Variants in MYO1B observed in about 807,000 individuals in gnomAD.
MYO1B encodes the protein unconventional myosin-Ib.
A neutral mutation model predicts 159.7 loss-of-function variants in MYO1B; 72 were observed. The ratio of observed to expected loss-of-function variants is 0.45; its 90% CI spans 0.37 to 0.55. The LOEUF (loss-of-function observed/expected upper bound fraction) is 0.55, where lower values mean the gene tolerates loss of function less well. MYO1B is among the 20% of genes least tolerant of loss of function. MYO1B has a pLI of 0.00. For missense variants in MYO1B, 1,062 were observed against 1,364.8 expected (o/e 0.78, Z 3.50); for synonymous variants, 468 against 473.8 (o/e 0.99, Z 0.16).
intron 3 of MYO1B, among the ~76,000 whole-genome samples, chr2:191,297,920 A>T (rs968212077): frequency 6.6e-6 from 1 of 152,192 alleles, no homozygotes; most frequent in African/African-American, 2.4e-5. Flanking sequence ...TTCACAGTAA[A>T]GCGTTGTCTG....
In MYO1B at chr2:191,245,441, C is replaced by G. The variant is rs900648049; in HGVS notation, c.-195C>G. On this transcript the variant is annotated 5_prime_UTR_variant, in exon 1 of 31. Coordinates refer to ENST00000392318, the MANE Select transcript of MYO1B (RefSeq NM_001130158.3). ...GCTGGGTGCGCACGGGAGCCTCAAC[C>G]GCGGCGCGTGGAGGCAGTACCAGAG... The G allele has an allele frequency of 1.8e-4, 28 of 152,046 alleles. No individual in the cohort carries two copies. Among genetic ancestry groups the G allele is most frequent in the African/African-American group, 6.0e-4 (25 of 41,428 alleles). 9.4% of individuals were successfully genotyped at this position (152,046 alleles called of 1,614,324 possible). A position where few individuals can be genotyped will look rare whatever the true frequency, so the allele number is the denominator to read the frequency against.
intron 30 of MYO1B, among the ~76,000 whole-genome samples, chr2:191,417,560 G>A (rs1697652272): frequency 6.6e-6 from 1 of 152,104 alleles, no homozygotes; most frequent in Non-Finnish European, 1.5e-5. Flanking sequence ...GTGTACAGAC[G>A]AAGCAGTCTC....
At chr2:191,295,779 C>T (rs1688946977) in intron 2 of MYO1B, among the ~76,000 whole-genome samples, 2 of 152,190 alleles carry the variant, frequency 1.3e-5, no homozygotes, top group African/African-American at 4.8e-5. Flanking sequence ...ATGGCTCTTG[C>T]TTACAGTTAG....
At chr2:191,317,278 A>G (rs1316444235) in intron 3 of MYO1B, among the ~76,000 whole-genome samples, 1 of 152,176 alleles carries the variant, frequency 6.6e-6, no homozygotes, top group Admixed American at 6.5e-5. Context: ...TACTTGTTCA[A>G]AGGGGACCTA....
chr2:191,404,995 A>G (rs2356645), intron 24 of MYO1B, among the ~76,000 whole-genome samples: 119,478 of 152,168 alleles, frequency 0.79, 52,510 homozygotes, highest in Non-Finnish European at 0.98. Flanking sequence ...AGATTTCTGT[A>G]TAGCATATGT....
chr2:191,290,429 A>G (rs1688625520), intron 2 of MYO1B, among the ~76,000 whole-genome samples: 1 of 152,360 alleles, frequency 6.6e-6, no homozygotes, highest in African/African-American at 2.4e-5. Context: ...TGTGTAGCAC[A>G]ATTTTTTAAA....
intron 3 of MYO1B, among the ~76,000 whole-genome samples, chr2:191,316,394 G>A (rs991677461): frequency 6.6e-6 from 1 of 152,180 alleles, no homozygotes; most frequent in African/African-American, 2.4e-5. Flanking sequence ...ACTGATTTAT[G>A]ATAATGATTC....
intron 20 of MYO1B, 117 bp from the exon 21 acceptor site, chr2:191,396,312 G>C: frequency 3.9e-6 from 4 of 1,014,410 alleles, no homozygotes; most frequent in Non-Finnish European, 6.0e-6. Flanking sequence ...TTGGTTTCCA[G>C]AAGGAGTATG....
At chr2:191,347,883 T>C (rs1445876950) in intron 6 of MYO1B, among the ~76,000 whole-genome samples, 1 of 152,216 alleles carries the variant, frequency 6.6e-6, no homozygotes, top group Non-Finnish European at 1.5e-5. Context: ...AACCAGTCTG[T>C]GTTGGTCTGG....
intron 2 of MYO1B, among the ~76,000 whole-genome samples, chr2:191,291,719 G>A (rs1317169417): frequency 6.6e-6 from 1 of 152,186 alleles, no homozygotes; most frequent in Admixed American, 6.6e-5. Context: ...AATACCAACT[G>A]TAAATAGTAT....
At chr2:191,258,728 C>A (rs930721836) in intron 1 of MYO1B, among the ~76,000 whole-genome samples, 1 of 152,134 alleles carries the variant, frequency 6.6e-6, no homozygotes, top group Non-Finnish European at 1.5e-5. Flanking sequence ...CACACTAATA[C>A]TGTGGAGGAG....
chr2:191,288,423 CCTTT>C (rs1335299287), intron 2 of MYO1B, among the ~76,000 whole-genome samples: 2 of 152,010 alleles, frequency 1.3e-5, no homozygotes, highest in Admixed American at 1.3e-4. Context: ...TTCATAGTGA[CCTTT>C]CTTTATATAA....
At chr2:191,330,152 A>G (rs1473609580) in intron 4 of MYO1B, 123 bp downstream of exon 4, 1 of 717,262 alleles carries the variant, frequency 1.4e-6, no homozygotes, top group Non-Finnish European at 2.3e-6. Context: ...GTGCTTCTGC[A>G]GGAGGATACT....
chr2:191,330,015 G>C lies in MYO1B; in HGVS notation c.332G>C (p.Gly111Ala), dbSNP rs752040555. ...DQCILITGESGAGKTEASKLV... is the reference protein window; with the variant it reads ...DQCILITGESAAGKTEASKLV... The stretch of plus-strand genomic sequence containing the variant: ...TGTATTCTCATTACTGGGGAAAGTG[G>C]AGCAGGAAAAACAGGTAAGGCTCCT... Residue 111 changes from glycine to alanine, a missense_variant, in exon 4 of 31, where the codon GGA (glycine) becomes GCA (alanine). This residue lies in a region of MYO1B where 415 missense variants were observed against 544.0 expected (regional missense o/e 0.76). Coordinates refer to ENST00000392318, the MANE Select transcript of MYO1B (RefSeq NM_001130158.3). 1 of 1,611,814 alleles carries C rather than the reference G, an allele frequency of 6.2e-7. No individual in the cohort carries two copies. Among genetic ancestry groups the C allele is most frequent in the Non-Finnish European group, 8.5e-7 (1 of 1,178,632 alleles).
At chr2:191,390,812 C>T (rs1458104351) in intron 18 of MYO1B, among the ~76,000 whole-genome samples, 1 of 151,694 alleles carries the variant, frequency 6.6e-6, no homozygotes, top group Non-Finnish European at 1.5e-5. Flanking sequence ...GGTTGGATTA[C>T]CACTTGTCAC....
rs150698466 is a variant in MYO1B at position 191,416,446 on chromosome 2, A to G, written c.3287+204A>G. The G allele has an allele frequency of 2.7e-4, 153 of 575,030 alleles. No individual in the cohort carries two copies. The East Asian group carries it at 3.7e-3, about 14-fold the overall frequency. 35.6% of individuals were successfully genotyped at this position (575,030 alleles called of 1,614,324 possible). A position where few individuals can be genotyped will look rare whatever the true frequency, so the allele number is the denominator to read the frequency against. ...TGACATCCTAGTGGAAGAGACCAGT[A>G]TGTACAAATAAAATGATGAAATAGT... On this transcript the variant is annotated intron_variant, in intron 30 of 30. Transcript: ENST00000392318.
intron 11 of MYO1B, among the ~76,000 whole-genome samples, chr2:191,365,175 G>T (rs1162632474): frequency 6.6e-6 from 1 of 152,194 alleles, no homozygotes; most frequent in Non-Finnish European, 1.5e-5. Flanking sequence ...AACCCTTTGT[G>T]CTATGGCTTA....
intron 3 of MYO1B, among the ~76,000 whole-genome samples, chr2:191,297,833 G>C (rs1689076853): frequency 6.6e-6 from 1 of 152,152 alleles, no homozygotes; most frequent in Non-Finnish European, 1.5e-5. Flanking sequence ...TTTTGATTGT[G>C]AAACTGGGGG....
intron 8 of MYO1B, 22 bp downstream of exon 8, chr2:191,360,751 G>GTGGTGTTGT (rs1553552025): frequency 0.023 from 26,105 of 1,117,374 alleles, 407 homozygotes; most frequent in South Asian, 0.054. Context: ...TTTCTATGTG[G>GTGGTGTTGT]TGTTGTTGTT....
Sources: allele counts gnomAD v4.1 joint callset (sites outside exome capture counted in the v4.1 genomes callset), GRCh38; gene constraint gnomAD v4.1.1; regional missense constraint gnomAD v4.1.1; transcripts MANE v1.5; gene names NCBI Gene and HGNC (gene_info 2026-07-23, HGNC 2026-07-21).